Variants in CHD9 observed in about 807,000 individuals in gnomAD.
CHD9 encodes chromodomain helicase DNA binding protein 9.
CHD9 carries 77 observed loss-of-function variants against 316.1 expected under a neutral mutation model. The ratio of observed to expected loss-of-function variants is 0.24; its 90% confidence interval spans 0.20 to 0.29. The LOEUF (loss-of-function observed/expected upper bound fraction) is 0.29. Among genes scored for constraint, CHD9 ranks in the 10% least tolerant of loss-of-function variants. The pLI is 1.00. For missense variants in CHD9, 2,763 were observed against 3,438.1 expected (o/e 0.80, Z 4.91); for synonymous variants, 1,129 against 1,158.3 (o/e 0.97, Z 0.51).
At chr16:53,155,413 G>A (rs1237940041) in intron 1 of CHD9, among the ~76,000 whole-genome samples, 1 of 151,590 alleles carries the variant, frequency 6.6e-6, no homozygotes, top group Non-Finnish European at 1.5e-5. Flanking sequence ...TCTGAGATGG[G>A]TGTCACTCTT....
At chr16:53,153,030 A>G (rs1277613610) in intron 1 of CHD9, among the ~76,000 whole-genome samples, 1 of 152,180 alleles carries the variant, frequency 6.6e-6, no homozygotes, top group Non-Finnish European at 1.5e-5. Flanking sequence ...TTCAAGGAGG[A>G]TTCCATGATA....
At chr16:53,275,833 T>C (rs73603606) in intron 24 of CHD9, among the ~76,000 whole-genome samples, 4,930 of 152,302 alleles carry the variant, frequency 0.032, 98 homozygotes, top group Middle Eastern at 0.071. Context: ...GACTGACTTC[T>C]ATATCCACCT....
chr16:53,254,184 A>C (rs57536424), intron 17 of CHD9, among the ~76,000 whole-genome samples: 42,270 of 151,966 alleles, frequency 0.28, 5,969 homozygotes, highest in Middle Eastern at 0.32. Context: ...CTCAAAAAAC[A>C]AACAAAAAAA....
intron 2 of CHD9, among the ~76,000 whole-genome samples, chr16:53,178,035 A>T (rs1475007720): frequency 6.6e-6 from 1 of 152,218 alleles, no homozygotes; most frequent in Non-Finnish European, 1.5e-5. Context: ...TTGAGAGAAC[A>T]CACATAGGGA....
rs1049265423 is a variant in CHD9 at position 53,156,894 on chromosome 16, C to G, written c.805C>G (p.Gln269Glu). ...MTSCSVSNSQ[Q>E]FSSHYSFSSN... The stretch of plus-strand genomic sequence containing the variant: ...TTCTTGTTCTGTCAGTAATTCACAG[C>G]AATTTTCTTCACATTATTCCTTTTC... Residue 269 changes from glutamine (Q) to glutamate (E), a missense_variant, in exon 2 of 39, where the codon CAA (glutamine) becomes GAA (glutamate). By Grantham distance (29) the Gln-to-Glu change is conservative. This residue lies in a region of CHD9 where 859 missense variants were observed against 890.4 expected (regional missense o/e 0.96). Coordinates refer to ENST00000447540, the MANE Select transcript of CHD9 (RefSeq NM_001308319.2). The G allele has an allele frequency of 1.9e-6, 3 of 1,613,544 alleles. No homozygotes were observed. Among genetic ancestry groups the G allele is most frequent in the South Asian group, 2.2e-5 (2 of 91,072 alleles).
intron 1 of CHD9, among the ~76,000 whole-genome samples, chr16:53,108,376 G>GC (rs2152597104): frequency 6.6e-6 from 1 of 152,060 alleles, no homozygotes; most frequent in East Asian, 1.9e-4. Flanking sequence ...GCGGTGGTGT[G>GC]CACCTATAGT....
chr16:53,111,880 A>G (rs940972429), intron 1 of CHD9, among the ~76,000 whole-genome samples: 1 of 152,224 alleles, frequency 6.6e-6, no homozygotes, highest in African/African-American at 2.4e-5. Context: ...ATTAGCTATA[A>G]TTTGTTGACA....
intron 2 of CHD9, among the ~76,000 whole-genome samples, chr16:53,172,420 G>A (rs538850321): frequency 3.9e-5 from 6 of 151,998 alleles, no homozygotes; most frequent in African/African-American, 7.2e-5. Flanking sequence ...TAATTTGTTC[G>A]TTCACCTGAT....
intron 1 of CHD9, among the ~76,000 whole-genome samples, chr16:53,096,572 G>A (rs1026904275): frequency 6.6e-6 from 1 of 152,164 alleles, no homozygotes; most frequent in African/African-American, 2.4e-5. Flanking sequence ...AATCACACAA[G>A]TAGTAAATGA....
At chr16:53,304,682 T>C in intron 31 of CHD9, 57 bp downstream of exon 31, 1 of 1,317,504 alleles carries the variant, frequency 7.6e-7, no homozygotes, top group Non-Finnish European at 1.0e-6. Flanking sequence ...TCTTTTCTTT[T>C]CTTTTCTTTT....
At chr16:53,173,183 A>C (rs971358461) in intron 2 of CHD9, among the ~76,000 whole-genome samples, 1 of 152,136 alleles carries the variant, frequency 6.6e-6, no homozygotes, top group African/African-American at 2.4e-5. Flanking sequence ...CTAGATGGGA[A>C]TATTTTTAAT....
intron 1 of CHD9, among the ~76,000 whole-genome samples, chr16:53,056,793 G>C (rs1337538828): frequency 6.6e-6 from 1 of 152,302 alleles, no homozygotes; most frequent in South Asian, 2.1e-4. Context: ...TAAAATATGA[G>C]TAAGACAGAA....
chr16:53,238,872 A>G (rs1435273220), intron 12 of CHD9, among the ~76,000 whole-genome samples: 3 of 152,168 alleles, frequency 2.0e-5, no homozygotes, highest in Non-Finnish European at 4.4e-5. Context: ...TAATAATTTT[A>G]CTAATTGTTT....
Position 53,209,744 on chromosome 16 carries a change from C to A in CHD9, c.1715C>A (p.Ser572Tyr), listed in dbSNP as rs748236386. Residue 572 changes from serine (S) to tyrosine (Y), a missense_variant, in exon 3 of 39, where the codon TCC (serine) becomes TAC (tyrosine). By Grantham distance (144) the Ser-to-Tyr change is moderately radical (BLOSUM62 -2). Around this residue, in one of 15 missense-constraint regions of CHD9, gnomAD observed 859 missense variants for 890.4 expected, o/e 0.96. Transcript: ENST00000447540. ...GAAAAGAAAGGTAGAAGGATGAAAT[C>A]CAAGCCAAAGGACAAAGACAGCAAA... Reference protein sequence around the residue: ...KEEKKGRRMKSKPKDKDSKKT... With the variant: ...KEEKKGRRMKYKPKDKDSKKT... 2 of 1,613,342 alleles carry A rather than the reference C, an allele frequency of 1.2e-6. No individual in the cohort carries two copies. Among genetic ancestry groups the A allele is most frequent in the Non-Finnish European group, 1.7e-6 (2 of 1,179,620 alleles).
intron 2 of CHD9, among the ~76,000 whole-genome samples, chr16:53,195,699 A>T (rs2044850278): frequency 6.7e-6 from 1 of 148,488 alleles, no homozygotes; most frequent in African/African-American, 2.5e-5. Context: ...TTTAAGTTTT[A>T]TTTTGAGGTA....
chr16:53,312,565 T>A (rs1012421514), intron 34 of CHD9, among the ~76,000 whole-genome samples: 2 of 152,194 alleles, frequency 1.3e-5, no homozygotes, highest in Admixed American at 6.5e-5. Flanking sequence ...ACCTTGCTAG[T>A]GTGTAAATTC....
At chr16:53,140,416 CAA>C (rs544725340) in intron 1 of CHD9, among the ~76,000 whole-genome samples, 31 of 99,284 alleles carry the variant, frequency 3.1e-4, no homozygotes, top group Admixed American at 3.6e-4. Flanking sequence ...AACTCTGTCT[CAA>C]AAAAAAAAAA....
intron 1 of CHD9, among the ~76,000 whole-genome samples, chr16:53,107,033 A>G (rs1208585864): frequency 6.6e-6 from 1 of 152,222 alleles, no homozygotes; most frequent in Non-Finnish European, 1.5e-5. Flanking sequence ...ACAAAAAGGC[A>G]TCTTTACAAT....
chr16:53,086,354 C>T (rs2152543652), intron 1 of CHD9, among the ~76,000 whole-genome samples: 1 of 152,320 alleles, frequency 6.6e-6, no homozygotes, highest in Middle Eastern at 3.4e-3. Context: ...GGGGTCTGTG[C>T]CGCACCAATT....
Sources: gnomAD v4.1 joint callset for allele counts (sites outside exome capture counted in the v4.1 genomes callset) on GRCh38, gnomAD v4.1.1 for gene constraint, gnomAD v4.1.1 regional missense constraint, MANE v1.5 for transcripts, NCBI Gene and HGNC (gene_info 2026-07-23, HGNC 2026-07-21) for gene names.